PITPNC1: variants seen among roughly 807,000 people sequenced by gnomAD.
The protein encoded by PITPNC1 is cytoplasmic phosphatidylinositol transfer protein 1.
PITPNC1 carries 18 observed loss-of-function variants against 44.7 expected under a neutral mutation model. That is an observed-to-expected ratio of 0.40 (90% CI 0.28 to 0.60). The LOEUF is 0.60. PITPNC1 is among the 20% of genes least tolerant of loss of function. The probability of loss-of-function intolerance (pLI) is 0.39; values close to 1 mark genes in which losing one functional copy is unlikely to be tolerated. For missense variants in PITPNC1, 290 were observed against 418.4 expected, an observed-to-expected ratio of 0.69 and a Z score of 2.68; for synonymous variants, 141 against 149.6, an observed-to-expected ratio of 0.94 and a Z score of 0.42.
intron 1 of PITPNC1, among the ~76,000 whole-genome samples, chr17:67,473,339 G>GT (rs1568004581): frequency 6.7e-6 from 1 of 150,372 alleles, no homozygotes; most frequent in African/African-American, 2.4e-5. Flanking sequence ...TGGCCTGCTT[G>GT]TTTTTTTGAG....
At chr17:67,686,537 C>T (rs1424811565) in intron 8 of PITPNC1, among the ~76,000 whole-genome samples, 1 of 152,148 alleles carries the variant, frequency 6.6e-6, no homozygotes, top group Non-Finnish European at 1.5e-5. Context: ...AAATTTACAT[C>T]TGTGTGCAAG....
intron 4 of PITPNC1, among the ~76,000 whole-genome samples, chr17:67,564,942 C>G (rs1228666538): frequency 4.0e-5 from 6 of 151,496 alleles, no homozygotes; most frequent in Admixed American, 4.0e-4. Context: ...GGTGGGTATA[C>G]TAGTTTTTCA....
At chr17:67,425,201 ACGCACACACACAC>A (rs2038738754) in intron 1 of PITPNC1, among the ~76,000 whole-genome samples, 1 of 63,288 alleles carries the variant, frequency 1.6e-5, no homozygotes, top group Non-Finnish European at 3.2e-5. Context: ...GCGCACGCAC[ACGCACACACACAC>A]ACACACACAC....
At chr17:67,425,179 C>G (rs1364357693) in intron 1 of PITPNC1, among the ~76,000 whole-genome samples, 1 of 131,082 alleles carries the variant, frequency 7.6e-6, no homozygotes, top group Non-Finnish European at 1.6e-5. Context: ...AATAAACAGC[C>G]ATGTTGTGCG....
chr17:67,489,487 A>G (rs2039831701), intron 1 of PITPNC1, among the ~76,000 whole-genome samples: 1 of 152,204 alleles, frequency 6.6e-6, no homozygotes, highest in Non-Finnish European at 1.5e-5. Flanking sequence ...CAAGTCTGGT[A>G]AATCAATGAT....
Position 67,532,712 on chromosome 17 carries a change from GTTA to G in PITPNC1, c.49-86_49-84del, listed in dbSNP as rs766426062. 658 of 1,039,064 alleles carry G rather than the reference GTTA, an allele frequency of 6.3e-4. 2 individuals are homozygous for G. Among genetic ancestry groups the G allele is most frequent in the Non-Finnish European group, 8.6e-4 (612 of 707,780 alleles). 64.4% of individuals were successfully genotyped at this position (1,039,064 alleles called of 1,614,324 possible). A position where few individuals can be genotyped will look rare whatever the true frequency, so the allele number is the denominator to read the frequency against. ...TCTCTTCTCAGCAGAAGGTGCTGAT[GTTA>G]TTAGTGGCTTGCCAAGCTATGGTTG... On this transcript the variant is annotated intron_variant, in intron 1 of 8. Coordinates refer to ENST00000581322, the MANE Select transcript of PITPNC1 (RefSeq NM_012417.4).
chr17:67,497,527 G>GT (rs1568014688), intron 1 of PITPNC1, among the ~76,000 whole-genome samples: 1 of 88,990 alleles, frequency 1.1e-5, no homozygotes. Flanking sequence ...ACTTGTTCGT[G>GT]TCTTTTTTTT....
intron 1 of PITPNC1, among the ~76,000 whole-genome samples, chr17:67,495,361 G>T (rs1267822482): frequency 6.6e-6 from 1 of 152,058 alleles, no homozygotes; most frequent in Non-Finnish European, 1.5e-5. Flanking sequence ...CCCGGCCTCT[G>T]AGCCACGGAG....
In PITPNC1 at chr17:67,693,421, C is replaced by G. The variant is rs2042962643; in HGVS notation, c.*533C>G. 1 of 152,720 alleles carries G rather than the reference C, an allele frequency of 6.5e-6. No individual in the cohort carries two copies. Among genetic ancestry groups the G allele is most frequent in the Non-Finnish European group, 1.5e-5 (1 of 68,100 alleles). 9.5% of individuals were successfully genotyped at this position (152,720 alleles called of 1,614,324 possible). A position where few individuals can be genotyped will look rare whatever the true frequency, so the allele number is the denominator to read the frequency against. ...GATTTGGAGCCTAATTAACTCTAAACTTTTGAAAATTTTAATCATCAAGCT... is the reference window on the plus strand; with the variant it reads ...GATTTGGAGCCTAATTAACTCTAAAGTTTTGAAAATTTTAATCATCAAGCT... On this transcript the variant is annotated 3_prime_UTR_variant, in exon 9 of 9. Transcript: ENST00000581322.
chr17:67,663,024 TTTC>T (rs1235045198), intron 6 of PITPNC1, among the ~76,000 whole-genome samples: 2 of 152,194 alleles, frequency 1.3e-5, no homozygotes, highest in Non-Finnish European at 2.9e-5. Context: ...GGTAGAATGA[TTTC>T]TTTTCTTTGG....
At chr17:67,501,211 G>T (rs1305134533) in intron 1 of PITPNC1, among the ~76,000 whole-genome samples, 3 of 152,154 alleles carry the variant, frequency 2.0e-5, no homozygotes, top group Non-Finnish European at 4.4e-5. Context: ...ATGCATCGCA[G>T]TTCGAGTGAA....
At chr17:67,387,941 G>T (rs568836449) in intron 1 of PITPNC1, among the ~76,000 whole-genome samples, 1 of 152,104 alleles carries the variant, frequency 6.6e-6, no homozygotes, top group Non-Finnish European at 1.5e-5. Flanking sequence ...TTCACTGGCC[G>T]CTCTGCAGTG....
rs184270388 is a variant in PITPNC1, at chr17:67,528,231, G to A, written c.49-4571G>A. 9.1e-4 allele frequency among the ~76,000 whole-genome samples: 138 copies of A among 152,182 alleles called. 2 individuals are homozygous for A. In the East Asian group the frequency reaches 0.024, roughly 27 times the overall value. On this transcript the variant is annotated intron_variant, in intron 1 of 8. Coordinates refer to ENST00000581322, the MANE Select transcript of PITPNC1 (RefSeq NM_012417.4). ...TAATTTTTGTATTTTTAGTAGAGAC[G>A]GGGTTTTGCCATGTTGGCCAGGCTG...
chr17:67,660,970 TC>T (rs1303416251), intron 6 of PITPNC1, among the ~76,000 whole-genome samples: 1 of 150,744 alleles, frequency 6.6e-6, no homozygotes, highest in Non-Finnish European at 1.5e-5. Flanking sequence ...GCAATTCTCT[TC>T]CCTCAGCCTA....
At chr17:67,452,709 T>G (rs1476460468) in intron 1 of PITPNC1, among the ~76,000 whole-genome samples, 1 of 151,996 alleles carries the variant, frequency 6.6e-6, no homozygotes, top group Non-Finnish European at 1.5e-5. Flanking sequence ...GCCAGGATGG[T>G]CACGAACTCC....
At chr17:67,541,313 G>C (rs574717968) in intron 2 of PITPNC1, among the ~76,000 whole-genome samples, 1 of 152,162 alleles carries the variant, frequency 6.6e-6, no homozygotes, top group Admixed American at 6.5e-5. Context: ...TTTCTATCAA[G>C]ATGAAATTAA....
chr17:67,424,179 G>T (rs189720833), intron 1 of PITPNC1, among the ~76,000 whole-genome samples: 2 of 151,608 alleles, frequency 1.3e-5, no homozygotes, highest in African/African-American at 4.9e-5. Context: ...GAAAACTAGC[G>T]AATGGTATGG....
At chr17:67,424,786 C>A (rs933607328) in intron 1 of PITPNC1, among the ~76,000 whole-genome samples, 1 of 151,936 alleles carries the variant, frequency 6.6e-6, no homozygotes, top group East Asian at 2.0e-4. Flanking sequence ...ACCTCCGCCT[C>A]CTAGGTTCAG....
At chr17:67,635,806 C>G (rs2042025112) in intron 6 of PITPNC1, among the ~76,000 whole-genome samples, 2 of 152,120 alleles carry the variant, frequency 1.3e-5, no homozygotes, top group South Asian at 4.1e-4. Context: ...GCCAAGAGAT[C>G]GAGTAGGAAG....
Sources: allele counts gnomAD v4.1 joint callset (sites outside exome capture counted in the v4.1 genomes callset), GRCh38; gene constraint gnomAD v4.1.1; transcripts MANE v1.5; gene names NCBI Gene and HGNC (gene_info 2026-07-23, HGNC 2026-07-21).